The following PPP1R16A variants were observed in gnomAD, a reference collection of about 807,000 sequenced individuals.
PPP1R16A encodes protein phosphatase 1 regulatory subunit 16A.
A neutral mutation model predicts 46.6 loss-of-function variants in PPP1R16A; 39 were observed. That is an observed-to-expected ratio of 0.84 (90% CI 0.65 to 1.09). PPP1R16A has a LOEUF of 1.09. Ranked by LOEUF, PPP1R16A falls within the 50% of genes least tolerant of loss-of-function variation. The pLI is 0.00. For synonymous variants in PPP1R16A, 413 were observed against 321.5 expected (o/e 1.28, Z -3.04); for missense variants, 798 against 735.6 (o/e 1.08, Z -0.98).
At chr8:144,478,470 G>A (rs1825265591) in intron 1 of PPP1R16A, 1 of 243,084 alleles carries the variant, frequency 4.1e-6, no homozygotes, top group African/African-American at 2.2e-5. Context: ...GTCAGGAAAG[G>A]CAGGGAGCCG....
rs1826101056 is a variant in PPP1R16A at position 144,496,985 on chromosome 8, C to T, written c.-210C>T. 4.7e-6 allele frequency: 3 copies of T among 645,160 alleles called. No homozygotes were observed. The highest frequency in any genetic ancestry group is 2.9e-5 in the Admixed American group (1 of 34,024). 40.0% of individuals were successfully genotyped at this position (645,160 alleles called of 1,614,324 possible). A position where few individuals can be genotyped will look rare whatever the true frequency, so the allele number is the denominator to read the frequency against. On this transcript the variant is annotated 5_prime_UTR_variant, in exon 3 of 12. Coordinates refer to ENST00000435887, the MANE Select transcript of PPP1R16A (RefSeq NM_001329443.2). ...AGGTTTGGGGTGCCCTCCCACACTG[C>T]CCTCCCTGCCCCGGCCCATGCCCCC...
At chr8:144,496,358 ACAGCTGGAAG>A (rs1464537819) in intron 2 of PPP1R16A, 93 bp from the exon 3 acceptor site, 2 of 152,476 alleles carry the variant, frequency 1.3e-5, no homozygotes, top group African/African-American at 4.8e-5. Flanking sequence ...AGGACCTGAG[ACAGCTGGAAG>A]CCTGGTCTCA....
intron 2 of PPP1R16A, among the ~76,000 whole-genome samples, chr8:144,491,209 A>G (rs938828747): frequency 2.0e-5 from 3 of 152,222 alleles, no homozygotes; most frequent in Non-Finnish European, 2.9e-5. Context: ...ACAGACGTAT[A>G]TGTATAGATG....
intron 5 of PPP1R16A, 132 bp from the exon 6 acceptor site, chr8:144,499,964 G>C: frequency 2.3e-6 from 2 of 854,702 alleles, no homozygotes; most frequent in Non-Finnish European, 3.6e-6. Context: ...GCCTCTCCCA[G>C]CAGCAGGTGG....
chr8:144,495,330 A>AG, intron 2 of PPP1R16A: 1 of 152,394 alleles, frequency 6.6e-6, no homozygotes, highest in East Asian at 1.9e-4. Flanking sequence ...GAAGTCCAGC[A>AG]GTGAAGAGTT....
chr8:144,501,107 C>T lies in PPP1R16A; in HGVS notation c.1038-22C>T, dbSNP rs1586764740. 3 of 1,608,274 alleles carry T rather than the reference C, an allele frequency of 1.9e-6. No homozygotes were observed. The African/African-American group carries it at 4.0e-5, about 21-fold the overall frequency. On this transcript the variant is annotated intron_variant, in intron 10 of 11. Coordinates refer to ENST00000435887, the MANE Select transcript of PPP1R16A (RefSeq NM_001329443.2). Reference sequence around the variant, plus strand: ...TCCGGGCACTCCCCTTCCCCTCACTCCCTCTCCTCTCTCCTCCCCAGGAAG... The same window carrying T: ...TCCGGGCACTCCCCTTCCCCTCACTTCCTCTCCTCTCTCCTCCCCAGGAAG...
In PPP1R16A at chr8:144,500,829, G is replaced by A. The variant is rs777329738; in HGVS notation, c.908-13G>A. 2 of 1,586,504 alleles carry A rather than the reference G, an allele frequency of 1.3e-6. 1 individual carries two copies. Among genetic ancestry groups the A allele is most frequent in the South Asian group, 2.3e-5 (2 of 87,876 alleles). On this transcript the variant is annotated splice_polypyrimidine_tract_variant and intron_variant, in intron 9 of 11. Transcript: ENST00000435887. ...CGGGGAGGGCGCCCCTGACGCCTGC[G>A]CCCACTTCTCAGATGTGTGCGGGGA...
intron 5 of PPP1R16A, 125 bp downstream of exon 5, chr8:144,499,186 C>T (rs1826265754): frequency 1.1e-5 from 14 of 1,240,414 alleles, no homozygotes; most frequent in South Asian, 1.6e-5. Flanking sequence ...TTTGCTGACC[C>T]TGCCTGTGTC....
At chr8:144,497,858 G>A (rs1426477811) in intron 3 of PPP1R16A, 1 of 369,074 alleles carries the variant, frequency 2.7e-6, no homozygotes, top group Non-Finnish European at 5.3e-6. Flanking sequence ...CCGTGAAATA[G>A]GGTGGGACCA....
At chr8:144,501,048 C>A in intron 10 of PPP1R16A, 77 bp downstream of exon 10, 1 of 1,530,384 alleles carries the variant, frequency 6.5e-7, no homozygotes, top group Non-Finnish European at 8.8e-7. Context: ...GCCAGCCGAA[C>A]TGGGGGCAGA....
At chr8:144,498,692 T>C in intron 3 of PPP1R16A, 78 bp from the exon 4 acceptor site, 1 of 1,410,318 alleles carries the variant, frequency 7.1e-7, no homozygotes, top group Non-Finnish European at 9.6e-7. Context: ...TGTCCTTCCC[T>C]GGGTCCTGGG....
chr8:144,498,037 G>A, intron 3 of PPP1R16A: 1 of 456,328 alleles, frequency 2.2e-6, no homozygotes, highest in African/African-American at 2.0e-5. Flanking sequence ...CTGGAGTCTT[G>A]GGGGAAGAGG....
chr8:144,500,313 G>C lies in PPP1R16A; in HGVS notation c.627G>C (p.Leu209=), dbSNP rs1826353296. 2.6e-6 allele frequency: 4 copies of C among 1,541,546 alleles called. No individual in the cohort carries two copies. The highest frequency in any genetic ancestry group is 3.5e-6 in the Non-Finnish European group (4 of 1,146,820). ...AGGCCGCCCGGGCCGTGCCAGAACT[G>C]CGCATGCTGGACGACATCCGGAGCC... The part of the protein sequence containing the change: ...SIEAARAVPE[L]RMLDDIRSRL... Residue 209 remains leucine, a synonymous_variant, in exon 7 of 12, where the codon CTG becomes CTC. Coordinates refer to ENST00000435887, the MANE Select transcript of PPP1R16A (RefSeq NM_001329443.2).
chr8:144,478,032 C>T lies in PPP1R16A; in HGVS notation c.-1009C>T, dbSNP rs1005738940. The T allele has an allele frequency of 5.1e-6, 2 of 394,032 alleles. No homozygotes were observed. The highest frequency in any genetic ancestry group is 9.0e-6 in the Non-Finnish European group (2 of 223,138). The allele number at this position is 394,032 out of a possible 1,614,324, so 24.4% of individuals were successfully genotyped here. ...GCGTTGCCATGGCGAGGGCCGGGTG[C>T]GGGGCCCGCCCCCGCAGCGCCTCAG... is the stretch of plus-strand genomic sequence containing the variant. On this transcript the variant is annotated 5_prime_UTR_variant, in exon 1 of 12. Coordinates refer to ENST00000435887, the MANE Select transcript of PPP1R16A (RefSeq NM_001329443.2).
chr8:144,502,024 T>G lies in PPP1R16A; in HGVS notation c.*121T>G, dbSNP rs192904904. ...CCCCGGCTTCTACTGTACAGGACAC[T>G]GGCCCCTCTCAGGTCAGAAGACATG... On this transcript the variant is annotated 3_prime_UTR_variant, in exon 12 of 12. Coordinates refer to ENST00000435887, the MANE Select transcript of PPP1R16A (RefSeq NM_001329443.2). 9.7e-4 allele frequency: 974 copies of G among 1,004,926 alleles called. 4 individuals are homozygous for G. In the African/African-American group the frequency reaches 0.013, roughly 13 times the overall value. 62.3% of individuals were successfully genotyped at this position (1,004,926 alleles called of 1,614,324 possible). A position where few individuals can be genotyped will look rare whatever the true frequency, so the allele number is the denominator to read the frequency against.
chr8:144,501,568 T>G lies in PPP1R16A; in HGVS notation c.1252T>G (p.Ser418Ala). ...VRPHNGRVGG[S>A]PVRHLYSKRL... ...GCCGCACAATGGCCGAGTAGGGGGC[T>G]CCCCAGTGCGGCATCTATACTCCAA... The change falls in exon 12 of 12, where the codon TCC (serine) becomes GCC (alanine). Residue 418 changes from serine to alanine, a missense_variant. Coordinates refer to ENST00000435887, the MANE Select transcript of PPP1R16A (RefSeq NM_001329443.2). 1 of 1,593,550 alleles carries G rather than the reference T, an allele frequency of 6.3e-7. No homozygotes were observed. Among genetic ancestry groups the G allele is most frequent in the African/African-American group, 1.3e-5 (1 of 74,324 alleles).
intron 1 of PPP1R16A, among the ~76,000 whole-genome samples, chr8:144,483,973 GCT>G (rs1308874447): frequency 6.6e-6 from 1 of 152,222 alleles, no homozygotes; most frequent in African/African-American, 2.4e-5. Flanking sequence ...CTGACTGTGA[GCT>G]CTCTTTCTTG....
At chr8:144,481,190 G>A (rs1248718188) in intron 1 of PPP1R16A, among the ~76,000 whole-genome samples, 3 of 151,908 alleles carry the variant, frequency 2.0e-5, no homozygotes, top group East Asian at 3.9e-4. Context: ...CGCCCGGCCT[G>A]TTTGATGGGT....
Position 144,497,051 on chromosome 8 carries a change from C to A in PPP1R16A, c.-144C>A. The stretch of plus-strand genomic sequence containing the variant: ...CTGGTTATTGTGTGGGGCCTCCTGA[C>A]CCAGCCAAGGGCACGAAGCTCTGGG... On this transcript the variant is annotated 5_prime_UTR_variant, in exon 3 of 12. Transcript: ENST00000435887. 2 of 1,149,952 alleles carry A rather than the reference C, an allele frequency of 1.7e-6. No individual in the cohort carries two copies. The highest frequency in any genetic ancestry group is 2.5e-6 in the Non-Finnish European group (2 of 815,632). 71.2% of individuals were successfully genotyped at this position (1,149,952 alleles called of 1,614,324 possible). A position where few individuals can be genotyped will look rare whatever the true frequency, so the allele number is the denominator to read the frequency against.
Sources: gnomAD v4.1 joint callset for allele counts (sites outside exome capture counted in the v4.1 genomes callset) on GRCh38, gnomAD v4.1.1 for gene constraint, MANE v1.5 for transcripts, NCBI Gene and HGNC (gene_info 2026-07-23, HGNC 2026-07-21) for gene names.